The following HECW2 variants were observed in gnomAD, a reference collection of about 807,000 sequenced individuals.
HECW2 encodes the protein E3 ubiquitin-protein ligase HECW2.
In HECW2, 61 loss-of-function variants were observed where a neutral mutation model predicts 175.2. The ratio of observed to expected loss-of-function variants is 0.35; its 90% CI spans 0.28 to 0.43. The LOEUF is 0.43. Among genes scored for constraint, HECW2 ranks in the 20% least tolerant of loss-of-function variants. The probability of loss-of-function intolerance (pLI) is 1.00; values close to 1 mark genes in which losing one functional copy is unlikely to be tolerated. For synonymous variants in HECW2, 671 were observed against 731.0 expected (o/e 0.92, Z 1.32); for missense variants, 1,524 against 2,000.5 (o/e 0.76, Z 4.54).
chr2:196,317,289 C>G lies in HECW2; in HGVS notation c.2419G>C (p.Glu807Gln). Residue 807 changes from glutamate to glutamine, a missense_variant, in exon 10 of 29, where the codon GAG becomes CAG. Physicochemically the swap from Glu to Gln is conservative, Grantham distance 29. Around this residue, in one of 11 missense-constraint regions of HECW2, gnomAD observed 82 missense variants for 124.4 expected, o/e 0.66. Transcript: ENST00000644978. ...QDVSRYQRVD[E>Q]ALPPNWEARI... is the part of the protein sequence containing the mutation. ...AGGTCCTCACTTGGTGGGAGAGCCTCGTCCACCCTCTGGTACCGGCTAACA... is the reference window on the plus strand; with the variant it reads ...AGGTCCTCACTTGGTGGGAGAGCCTGGTCCACCCTCTGGTACCGGCTAACA... 6.2e-7 allele frequency: 1 copy of G among 1,612,564 alleles called. No individual in the cohort carries two copies. The highest frequency in any genetic ancestry group is 8.5e-7 in the Non-Finnish European group (1 of 1,179,310).
intron 26 of HECW2, among the ~76,000 whole-genome samples, 176 bp downstream of exon 26, chr2:196,219,863 T>C (rs1531113): frequency 0.59 from 89,823 of 151,578 alleles, 27,918 homozygotes; most frequent in Non-Finnish European, 0.69. Context: ...ATCTGACAGA[T>C]GAGGTAATTA....
chr2:196,242,386 G>T, intron 19 of HECW2, 182 bp from the exon 20 acceptor site: 1 of 654,650 alleles, frequency 1.5e-6, no homozygotes, highest in Non-Finnish European at 2.5e-6. Flanking sequence ...CTTAAGTGAC[G>T]TCCTCTTTGT....
intron 1 of HECW2, among the ~76,000 whole-genome samples, chr2:196,521,718 T>G (rs886584602): frequency 6.8e-6 from 1 of 147,654 alleles, no homozygotes; most frequent in African/African-American, 2.5e-5. Flanking sequence ...CACCTATGAG[T>G]GAGAATATGC....
intron 1 of HECW2, among the ~76,000 whole-genome samples, chr2:196,502,230 T>C (rs1687598926): frequency 6.6e-6 from 1 of 152,236 alleles, no homozygotes; most frequent in Non-Finnish European, 1.5e-5. Context: ...TAATATGTTG[T>C]CTTCATTTAA....
intron 1 of HECW2, among the ~76,000 whole-genome samples, chr2:196,559,806 T>C (rs1417261356): frequency 6.6e-6 from 1 of 152,210 alleles, no homozygotes; most frequent in African/African-American, 2.4e-5. Flanking sequence ...TTTGCATACA[T>C]CTTAAATCTC....
intron 1 of HECW2, among the ~76,000 whole-genome samples, chr2:196,478,688 A>C (rs149324654): frequency 6.6e-6 from 1 of 152,198 alleles, no homozygotes; most frequent in African/African-American, 2.4e-5. Context: ...TCAGCAGAAG[A>C]AGCAATCCAG....
intron 14 of HECW2, among the ~76,000 whole-genome samples, chr2:196,282,018 A>AT (rs1690207583): frequency 6.6e-6 from 1 of 152,194 alleles, no homozygotes. Context: ...GACACGTCAA[A>AT]TATGAGGTCC....
chr2:196,316,705 T>G (rs1237679529), intron 10 of HECW2: 1 of 153,484 alleles, frequency 6.5e-6, no homozygotes. Flanking sequence ...CATTTCTCCT[T>G]AAGTGCTAAG....
chr2:196,474,266 G>A (rs1170302355), intron 1 of HECW2, among the ~76,000 whole-genome samples: 1 of 152,060 alleles, frequency 6.6e-6, no homozygotes, highest in Non-Finnish European at 1.5e-5. Context: ...ATATCTTTTG[G>A]GGACAATGAG....
At chr2:196,353,981 T>C (rs1232706667) in intron 2 of HECW2, among the ~76,000 whole-genome samples, 2 of 152,174 alleles carry the variant, frequency 1.3e-5, no homozygotes, top group Non-Finnish European at 2.9e-5. Flanking sequence ...ATTGTCAGTA[T>C]GACCTCATTC....
intron 3 of HECW2, among the ~76,000 whole-genome samples, chr2:196,340,676 C>T (rs1575434371): frequency 6.7e-6 from 1 of 148,990 alleles, no homozygotes; most frequent in South Asian, 2.1e-4. Flanking sequence ...ATTACAACTT[C>T]TTTTATATTG....
Position 196,364,998 on chromosome 2 carries a change from C to T in HECW2, c.293-21234G>A, listed in dbSNP as rs572302904. Among the ~76,000 whole-genome samples the T allele has an allele frequency of 9.2e-5, 14 of 152,254 alleles. No homozygotes were observed. The South Asian group carries it at 2.3e-3, about 25-fold the overall frequency. On this transcript the variant is annotated intron_variant, in intron 2 of 28. Coordinates refer to ENST00000644978, the MANE Select transcript of HECW2 (RefSeq NM_001348768.2). ...TTAAGAATGAAGGAATGGAAATTAT[C>T]CCCCAATTATCTTTCCCATTTCCAT...
At chr2:196,221,371 A>C (rs937424718) in intron 24 of HECW2, among the ~76,000 whole-genome samples, 11 of 152,218 alleles carry the variant, frequency 7.2e-5, no homozygotes, top group Non-Finnish European at 2.9e-5. Context: ...GGAATGCAGA[A>C]AAGCAGCTAA....
intron 1 of HECW2, among the ~76,000 whole-genome samples, chr2:196,444,913 G>A (rs918701206): frequency 2.0e-5 from 3 of 152,100 alleles, no homozygotes; most frequent in Admixed American, 1.3e-4. Flanking sequence ...TAAACCAAAA[G>A]TTTCATGCAA....
At chr2:196,413,986 G>A (rs1007018964) in intron 2 of HECW2, among the ~76,000 whole-genome samples, 2 of 152,196 alleles carry the variant, frequency 1.3e-5, no homozygotes, top group Non-Finnish European at 2.9e-5. Flanking sequence ...CCTTCGTTGT[G>A]TGTTGCTGGT....
chr2:196,222,388 C>T (rs1390409596), intron 23 of HECW2, 48 bp from the exon 24 acceptor site: 14 of 1,574,782 alleles, frequency 8.9e-6, no homozygotes, highest in Non-Finnish European at 1.2e-5. Flanking sequence ...TGGCTATTAG[C>T]AAAAACCCAG....
intron 13 of HECW2, among the ~76,000 whole-genome samples, chr2:196,297,597 C>A (rs969853058): frequency 6.6e-6 from 1 of 152,160 alleles, no homozygotes; most frequent in East Asian, 1.9e-4. Context: ...CTAATTTCAC[C>A]TAATTCTGTT....
chr2:196,549,193 T>A (rs537178405), intron 1 of HECW2, among the ~76,000 whole-genome samples: 1 of 152,270 alleles, frequency 6.6e-6, no homozygotes, highest in South Asian at 2.1e-4. Context: ...ATCTACAGCA[T>A]AACAAATAAT....
chr2:196,588,285 C>T (rs529739192), intron 1 of HECW2, among the ~76,000 whole-genome samples: 2 of 152,296 alleles, frequency 1.3e-5, no homozygotes, highest in South Asian at 4.2e-4. Context: ...GCAGATGGAG[C>T]TCAATACATA....
Sources: gnomAD v4.1 joint callset for allele counts (sites outside exome capture counted in the v4.1 genomes callset) on GRCh38, gnomAD v4.1.1 for gene constraint, gnomAD v4.1.1 regional missense constraint, MANE v1.5 for transcripts, NCBI Gene and HGNC (gene_info 2026-07-23, HGNC 2026-07-21) for gene names.